The following AKAP13 variants were observed in gnomAD, a reference collection of about 807,000 sequenced individuals.
AKAP13 encodes the protein A-kinase anchor protein 13.
AKAP13 carries 80 observed loss-of-function variants against 264.5 expected under a neutral mutation model. That is an observed-to-expected ratio of 0.30 (90% confidence interval 0.25 to 0.36). The LOEUF (loss-of-function observed/expected upper bound fraction) is 0.36, where lower values mean the gene tolerates loss of function less well. Ranked by LOEUF, AKAP13 falls within the 10% of genes least tolerant of loss-of-function variation. The probability of loss-of-function intolerance (pLI) is 1.00; values close to 1 mark genes in which losing one functional copy is unlikely to be tolerated. For missense variants in AKAP13, 3,712 were observed against 3,435.2 expected (o/e 1.08, Z -2.01); for synonymous variants, 1,380 against 1,250.2 (o/e 1.10, Z -2.19).
chr15:85,512,328 C>T (rs757685191), intron 2 of AKAP13, among the ~76,000 whole-genome samples: 5 of 152,102 alleles, frequency 3.3e-5, no homozygotes, highest in Admixed American at 1.3e-4. Context: ...TTGGGTTTAC[C>T]GTGAGTGTAA....
At chr15:85,548,750 T>C (rs1482755268) in intron 5 of AKAP13, among the ~76,000 whole-genome samples, 2 of 152,200 alleles carry the variant, frequency 1.3e-5, no homozygotes, top group Non-Finnish European at 2.9e-5. Flanking sequence ...TATCTTGTTT[T>C]GTAATATTTC....
chr15:85,665,573 C>A (rs966648166), intron 13 of AKAP13, among the ~76,000 whole-genome samples: 2 of 152,170 alleles, frequency 1.3e-5, no homozygotes. Flanking sequence ...TACATGTGCA[C>A]AACGTGCAGG....
In AKAP13 at chr15:85,650,309, T is replaced by A. The variant is rs138461192; in HGVS notation, c.4374+4355T>A. 3.8e-3 allele frequency among the ~76,000 whole-genome samples: 571 copies of A among 151,812 alleles called. 1 individual carries two copies. Among genetic ancestry groups the A allele is most frequent in the African/African-American group, 0.011 (440 of 41,412 alleles). On this transcript the variant is annotated intron_variant, in intron 10 of 36. Coordinates refer to ENST00000394518, the MANE Select transcript of AKAP13 (RefSeq NM_007200.5). ...AGCCAGGCATGGTGGCACACGTCTG[T>A]AGTCCCAGCTACTTGGGAGGCAGAG...
chr15:85,553,243 T>A (rs2078028156), intron 5 of AKAP13, among the ~76,000 whole-genome samples: 1 of 152,064 alleles, frequency 6.6e-6, no homozygotes, highest in South Asian at 2.1e-4. Flanking sequence ...CTCGCCACCA[T>A]GCCCAGCCAA....
chr15:85,654,554 C>T (rs1009911433), intron 10 of AKAP13, among the ~76,000 whole-genome samples: 5 of 152,080 alleles, frequency 3.3e-5, no homozygotes, highest in Non-Finnish European at 7.4e-5. Context: ...GGGCTGGTCA[C>T]GGTGGCTCAA....
rs1336733278 is a variant in AKAP13 at position 85,530,999 on chromosome 15, C to G, written c.182-2585C>G. Among the ~76,000 whole-genome samples, 3 of 152,120 alleles carry G rather than the reference C, an allele frequency of 2.0e-5. No individual in the cohort carries two copies. The East Asian group carries it at 5.8e-4, about 29-fold the overall frequency. On this transcript the variant is annotated intron_variant, in intron 3 of 36. Transcript: ENST00000394518. The stretch of plus-strand genomic sequence containing the variant: ...AAGTGATTCTCCTGCCTCAGCCTCC[C>G]TAGTAGCTGGGACTACAGATGCCCG...
intron 30 of AKAP13, 122 bp downstream of exon 30, chr15:85,730,829 A>T (rs2087947653): frequency 7.2e-6 from 6 of 830,364 alleles, no homozygotes; most frequent in South Asian, 5.7e-5. Context: ...ACCCAAAACA[A>T]ATATTTCACT....
intron 36 of AKAP13, chr15:85,744,299 G>T (rs1183090008): frequency 1.2e-5 from 4 of 337,242 alleles, no homozygotes; most frequent in African/African-American, 2.2e-5. Context: ...ATGCCTCCCT[G>T]TTCATGTACC....
chr15:85,731,504 T>G (rs1310984115), intron 30 of AKAP13, among the ~76,000 whole-genome samples: 2 of 152,226 alleles, frequency 1.3e-5, no homozygotes, highest in East Asian at 3.8e-4. Flanking sequence ...TTGGATTTTA[T>G]TCATACAGTC....
At chr15:85,423,615 A>C (rs1479799174) in intron 1 of AKAP13, among the ~76,000 whole-genome samples, 4 of 152,172 alleles carry the variant, frequency 2.6e-5, no homozygotes, top group South Asian at 4.1e-4. Flanking sequence ...CAAGTCATCC[A>C]TCAGGGCTGG....
At chr15:85,621,489 T>G (rs570781933) in intron 8 of AKAP13, 1 of 152,236 alleles carries the variant, frequency 6.6e-6, no homozygotes, top group African/African-American at 2.4e-5. Flanking sequence ...TTTAGGATCT[T>G]TATGTCCATG....
chr15:85,403,803 A>G (rs955714099), intron 1 of AKAP13, among the ~76,000 whole-genome samples: 1 of 150,718 alleles, frequency 6.6e-6, no homozygotes, highest in African/African-American at 2.4e-5. Flanking sequence ...AGCCTAGACC[A>G]CACCATCGCA....
At chr15:85,539,687 G>T (rs2077520192) in intron 4 of AKAP13, among the ~76,000 whole-genome samples, 2 of 152,092 alleles carry the variant, frequency 1.3e-5, no homozygotes, top group African/African-American at 4.8e-5. Flanking sequence ...TGTGTGACAG[G>T]TGTGTCCAGC....
intron 17 of AKAP13, among the ~76,000 whole-genome samples, chr15:85,695,358 C>T (rs191619155): frequency 2.0e-5 from 3 of 152,066 alleles, no homozygotes; most frequent in South Asian, 4.1e-4. Flanking sequence ...GAGCTGAGAT[C>T]GTGCCATTGC....
At chr15:85,465,535 T>A (rs1242605524) in intron 1 of AKAP13, among the ~76,000 whole-genome samples, 1 of 125,188 alleles carries the variant, frequency 8.0e-6, no homozygotes, top group African/African-American at 3.2e-5. Context: ...CAGAGTGTGA[T>A]GTTCCCCTTC....
chr15:85,666,933 T>C (rs2083636245), intron 13 of AKAP13, among the ~76,000 whole-genome samples: 1 of 152,242 alleles, frequency 6.6e-6, no homozygotes, highest in East Asian at 1.9e-4. Context: ...TATATCATTG[T>C]ACCTCACTGC....
At chr15:85,451,808 A>T (rs1296302918) in intron 1 of AKAP13, among the ~76,000 whole-genome samples, 1 of 152,166 alleles carries the variant, frequency 6.6e-6, no homozygotes, top group African/African-American at 2.4e-5. Context: ...TTTATTCTTT[A>T]ATTTTCATCT....
At chr15:85,592,932 A>G (rs888852058) in intron 8 of AKAP13, among the ~76,000 whole-genome samples, 6 of 152,196 alleles carry the variant, frequency 3.9e-5, no homozygotes, top group Non-Finnish European at 7.3e-5. Flanking sequence ...TAAGCAAGTT[A>G]TTTAATTTCT....
intron 5 of AKAP13, chr15:85,555,592 A>G: frequency 2.7e-6 from 2 of 739,424 alleles, no homozygotes; most frequent in Admixed American, 2.3e-5. Context: ...AGCATCATTG[A>G]ACTTCCCTGA....
Sources: gnomAD v4.1 joint callset for allele counts (sites outside exome capture counted in the v4.1 genomes callset) on GRCh38, gnomAD v4.1.1 for gene constraint, MANE v1.5 for transcripts, NCBI Gene and HGNC (gene_info 2026-07-23, HGNC 2026-07-21) for gene names.